Variants in WDPCP observed in about 807,000 individuals in gnomAD.
The protein encoded by WDPCP is WD repeat-containing and planar cell polarity effector protein fritz homolog.
WDPCP carries 71 observed loss-of-function variants against 93.1 expected under a neutral mutation model. The observed-to-expected ratio is 0.76, with a 90% CI of 0.63 to 0.93. The LOEUF (loss-of-function observed/expected upper bound fraction) is 0.93. WDPCP is among the 40% of genes least tolerant of loss of function. The pLI, the probability that WDPCP is intolerant of heterozygous loss-of-function variation, is 0.00. For missense variants in WDPCP, 844 were observed against 887.4 expected (o/e 0.95, Z 0.62); for synonymous variants, 315 against 315.0 (o/e 1.00, Z 0.00).
chr2:63,429,461 A>G (rs1380876288), intron 9 of WDPCP, among the ~76,000 whole-genome samples: 1 of 152,164 alleles, frequency 6.6e-6, no homozygotes, highest in African/African-American at 2.4e-5. Flanking sequence ...GGTCTAATAC[A>G]TAGGATCTAT....
intron 1 of WDPCP, among the ~76,000 whole-genome samples, chr2:63,512,602 T>C (rs2106099766): frequency 6.6e-6 from 1 of 152,244 alleles, no homozygotes; most frequent in Non-Finnish European, 1.5e-5. Context: ...GGGGCATAGA[T>C]GAAACTGGAA....
At chr2:63,631,605 C>T (rs1251086547) in intron 3 of WDPCP, among the ~76,000 whole-genome samples, 2 of 152,084 alleles carry the variant, frequency 1.3e-5, no homozygotes, top group Non-Finnish European at 2.9e-5. Flanking sequence ...CCTGAGAGGG[C>T]TCAAATGTCC....
At chr2:63,425,646 TTCAAA>T (rs1696222885) in intron 9 of WDPCP, among the ~76,000 whole-genome samples, 1 of 152,090 alleles carries the variant, frequency 6.6e-6, no homozygotes, top group Non-Finnish European at 1.5e-5. Context: ...CAAAGACCAG[TTCAAA>T]TCAACTCAGT....
chr2:63,462,870 A>C (rs1054414055), intron 6 of WDPCP, among the ~76,000 whole-genome samples: 4 of 152,128 alleles, frequency 2.6e-5, no homozygotes, highest in African/African-American at 9.7e-5. Context: ...AGGACCAAAG[A>C]GGGGTCTCTG....
chr2:63,711,323 T>G (rs1026278849), intron 2 of WDPCP, among the ~76,000 whole-genome samples: 1 of 152,144 alleles, frequency 6.6e-6, no homozygotes, highest in African/African-American at 2.4e-5. Context: ...GTTTCACATA[T>G]AGTTGAAACC....
intron 14 of WDPCP, among the ~76,000 whole-genome samples, chr2:63,244,922 C>T (rs1209366813): frequency 6.6e-6 from 1 of 152,056 alleles, no homozygotes; most frequent in Non-Finnish European, 1.5e-5. Context: ...AGAGTTTAAT[C>T]CATTACATTT....
chr2:63,539,919 C>T (rs909972848), intron 1 of WDPCP, among the ~76,000 whole-genome samples: 1 of 152,024 alleles, frequency 6.6e-6, no homozygotes, highest in Non-Finnish European at 1.5e-5. Context: ...TTCTTTAGTA[C>T]TTAATTTAAT....
Position 63,121,340 on chromosome 2 carries a change from AAAC to A in WDPCP, c.*663_*665del, listed in dbSNP as rs1669533488. 2 of 151,500 alleles carry A rather than the reference AAAC, an allele frequency of 1.3e-5. No homozygotes were observed. Among genetic ancestry groups the A allele is most frequent in the African/African-American group, 4.8e-5 (2 of 41,246 alleles). 9.4% of individuals were successfully genotyped at this position (151,500 alleles called of 1,614,324 possible). A position where few individuals can be genotyped will look rare whatever the true frequency, so the allele number is the denominator to read the frequency against. On this transcript the variant is annotated 3_prime_UTR_variant, in exon 18 of 18. Transcript: ENST00000272321. ...TATTTGTAATGTAAATTAATAATGT[AAAC>A]AAGAGCAGAAGAGGACTTTCTTTCT... is the stretch of plus-strand genomic sequence containing the variant.
intron 1 of WDPCP, among the ~76,000 whole-genome samples, chr2:63,585,922 G>A (rs886592019): frequency 6.7e-6 from 1 of 150,342 alleles, no homozygotes; most frequent in Admixed American, 6.7e-5. Context: ...TGCTTACTGG[G>A]CTCAAGCAAC....
intron 6 of WDPCP, among the ~76,000 whole-genome samples, chr2:63,443,950 G>A (rs747599124): frequency 5.9e-5 from 9 of 152,226 alleles, no homozygotes; most frequent in Non-Finnish European, 1.2e-4. Flanking sequence ...ATTCTGACAC[G>A]TTAAGTTTAA....
intron 1 of WDPCP, among the ~76,000 whole-genome samples, chr2:63,503,852 G>A (rs746000777): frequency 6.6e-6 from 1 of 151,542 alleles, no homozygotes; most frequent in Non-Finnish European, 1.5e-5. Flanking sequence ...GTCAATTCAG[G>A]GTTATTGTTT....
intron 11 of WDPCP, among the ~76,000 whole-genome samples, chr2:63,380,792 A>T (rs1692236725): frequency 6.6e-6 from 1 of 152,150 alleles, no homozygotes; most frequent in African/African-American, 2.4e-5. Flanking sequence ...ACATTTAATT[A>T]ACATTAAATA....
At chr2:63,819,266 G>T (rs1160637908) in intron 1 of WDPCP, among the ~76,000 whole-genome samples, 4 of 152,138 alleles carry the variant, frequency 2.6e-5, no homozygotes, top group African/African-American at 4.8e-5. Context: ...CTGTTATTAG[G>T]ATTAAAATTT....
chr2:63,692,220 C>T (rs1036538437), intron 2 of WDPCP, among the ~76,000 whole-genome samples: 9 of 151,084 alleles, frequency 6.0e-5, no homozygotes, highest in African/African-American at 2.2e-4. Flanking sequence ...TACAGAGCAA[C>T]AACAAAAAAA....
intron 2 of WDPCP, among the ~76,000 whole-genome samples, chr2:63,739,407 T>G (rs186092283): frequency 1.3e-5 from 2 of 152,282 alleles, no homozygotes; most frequent in African/African-American, 4.8e-5. Flanking sequence ...TGTACCACAT[T>G]TTCTTTATCC....
chr2:63,399,966 T>C (rs752317957), intron 10 of WDPCP, among the ~76,000 whole-genome samples: 8 of 152,134 alleles, frequency 5.3e-5, no homozygotes, highest in Admixed American at 2.6e-4. Flanking sequence ...AGCAGATCCA[T>C]GAAAAAATAA....
At chr2:63,539,885 G>A (rs981392771) in intron 1 of WDPCP, among the ~76,000 whole-genome samples, 2 of 151,988 alleles carry the variant, frequency 1.3e-5, no homozygotes, top group Non-Finnish European at 2.9e-5. Flanking sequence ...GTCATCTCTT[G>A]AGTTATTCAG....
intron 10 of WDPCP, among the ~76,000 whole-genome samples, chr2:63,393,934 A>G (rs1693496258): frequency 6.6e-6 from 1 of 152,200 alleles, no homozygotes. Context: ...AGATGGATTA[A>G]AGACTTAAAT....
intron 2 of WDPCP, among the ~76,000 whole-genome samples, chr2:63,683,579 G>T (rs931693574): frequency 6.6e-6 from 1 of 152,150 alleles, no homozygotes; most frequent in Non-Finnish European, 1.5e-5. Context: ...AGGGCTGGGC[G>T]CAGTGGCTCA....
Sources: gnomAD v4.1 joint callset for allele counts (sites outside exome capture counted in the v4.1 genomes callset) on GRCh38, gnomAD v4.1.1 for gene constraint, MANE v1.5 for transcripts, NCBI Gene and HGNC (gene_info 2026-07-23, HGNC 2026-07-21) for gene names.